The following DNAAF5 variants were observed in gnomAD, a reference collection of about 807,000 sequenced individuals.
DNAAF5 encodes the protein HEAT repeat containing 2.
DNAAF5 carries 64 observed loss-of-function variants against 75.8 expected under a neutral mutation model. The ratio of observed to expected loss-of-function variants is 0.84; its 90% CI spans 0.69 to 1.04. The LOEUF (loss-of-function observed/expected upper bound fraction) is 1.04. Ranked by LOEUF, DNAAF5 falls within the 50% of genes least tolerant of loss-of-function variation. The pLI is 0.00. For synonymous variants in DNAAF5, 657 were observed against 557.2 expected (o/e 1.18, Z -2.52); for missense variants, 1,269 against 1,178.5 (o/e 1.08, Z -1.12).
intron 8 of DNAAF5, among the ~76,000 whole-genome samples, chr7:766,388 A>T (rs904013806): frequency 3.3e-5 from 5 of 152,360 alleles, no homozygotes; most frequent in South Asian, 4.1e-4. Context: ...AGAAATTTTT[A>T]AATTTCTCAT....
intron 10 of DNAAF5, among the ~76,000 whole-genome samples, chr7:774,621 C>T (rs1036373987): frequency 2.0e-4 from 30 of 152,242 alleles, no homozygotes; most frequent in African/African-American, 7.0e-4. Context: ...CTGATGCCCG[C>T]CCGCGTCCTG....
intron 4 of DNAAF5, among the ~76,000 whole-genome samples, chr7:753,170 G>A (rs1468597521): frequency 2.6e-5 from 4 of 152,230 alleles, no homozygotes; most frequent in Admixed American, 6.5e-5. Context: ...CCCTTCCACA[G>A]CTGGTATTTG....
chr7:767,222 G>A (rs1778333877), intron 8 of DNAAF5, among the ~76,000 whole-genome samples: 1 of 142,886 alleles, frequency 7.0e-6, no homozygotes, highest in Non-Finnish European at 1.5e-5. Flanking sequence ...CTAGGCGACA[G>A]AGCGAGACTC....
chr7:727,817 T>C (rs1179024704), intron 1 of DNAAF5, among the ~76,000 whole-genome samples: 1 of 128,070 alleles, frequency 7.8e-6, no homozygotes, highest in Non-Finnish European at 1.7e-5. Flanking sequence ...CCTCCCTGCC[T>C]GAGCCCCCTC....
Position 763,851 on chromosome 7 carries a change from A to G in DNAAF5, c.1660A>G (p.Ser554Gly). 6.2e-7 allele frequency: 1 copy of G among 1,613,436 alleles called. No homozygotes were observed. Among genetic ancestry groups the G allele is most frequent in the Non-Finnish European group, 8.5e-7 (1 of 1,180,026 alleles). ...DSLAMVEGVS[S>G]CQDLYRKHIG... ...ACTGGCCATGGTGGAGGGTGTCAGC[A>G]GCTGCCAGGACCTCTACCGCAAGCA... Residue 554 changes from serine to glycine, a missense_variant, in exon 8 of 13, where the codon AGC becomes GGC. By Grantham distance (56) the Ser-to-Gly change is moderately conservative. Transcript: ENST00000297440.
intron 12 of DNAAF5, among the ~76,000 whole-genome samples, chr7:783,941 C>A (rs1325512518): frequency 6.6e-6 from 1 of 151,966 alleles, no homozygotes; most frequent in Non-Finnish European, 1.5e-5. Flanking sequence ...CACAGGGCAT[C>A]TCCCTTCCCC....
rs1345674669 is a variant in DNAAF5 at position 757,003 on chromosome 7, A to G, written c.1470+9A>G. On this transcript the variant is annotated intron_variant, in intron 6 of 12. Transcript: ENST00000297440. ...GCCAGGCATCTGAAAACGTAAGAGC[A>G]CTTGGGAGATGCGGGAGTGGAGAGG... The G allele has an allele frequency of 5.6e-6, 9 of 1,598,372 alleles. No homozygotes were observed. The highest frequency in any genetic ancestry group is 7.6e-6 in the Non-Finnish European group (9 of 1,178,348).
chr7:737,373 G>A (rs543942150), intron 2 of DNAAF5, among the ~76,000 whole-genome samples: 2 of 152,316 alleles, frequency 1.3e-5, no homozygotes, highest in East Asian at 3.9e-4. Context: ...TGGGATTACA[G>A]GTGTGAGCCA....
chr7:727,223 T>C lies in DNAAF5; in HGVS notation c.503T>C (p.Leu168Pro). The C allele has an allele frequency of 7.4e-7, 1 of 1,347,248 alleles. No homozygotes were observed. 83.5% of individuals were successfully genotyped at this position (1,347,248 alleles called of 1,614,324 possible). ...CTCGCGCCCCACCTGGACGACGCTC[T>C]GCGCGCGCTGCGCTGCTCCCTGCTC... ...AALAPHLDDA[L>P]RALRCSLLDP... Residue 168 changes from leucine to proline, a missense_variant, in exon 1 of 13, where the codon CTG becomes CCG. Coordinates refer to ENST00000297440, the MANE Select transcript of DNAAF5 (RefSeq NM_017802.4).
In DNAAF5 at chr7:774,137, G is replaced by A. The variant is rs1334255725; in HGVS notation, c.2021G>A (p.Arg674His). 3 of 1,612,150 alleles carry A rather than the reference G, an allele frequency of 1.9e-6. No homozygotes were observed. The highest frequency in any genetic ancestry group is 2.2e-5 in the East Asian group (1 of 44,878). Residue 674 changes from arginine (R) to histidine (H), a missense_variant, in exon 10 of 13, where the codon CGC becomes CAC. Transcript: ENST00000297440. ...WHAGRTAAAI[R>H]TAAVSCLWAL... ...GCGGGGAGGACAGCCGCGGCCATCC[G>A]CACGGCTGCCGTGTCCTGCCTCTGG... is the stretch of plus-strand genomic sequence containing the variant.
At chr7:778,972 CCTGTGTTTGGTGG>C (rs1317135783) in intron 11 of DNAAF5, among the ~76,000 whole-genome samples, 1 of 152,262 alleles carries the variant, frequency 6.6e-6, no homozygotes, top group Non-Finnish European at 1.5e-5. Context: ...CTCCTTGGTG[CCTGTGTTTGGTGG>C]CTGGAAGGCC....
At chr7:733,262 A>G (rs1781639134) in intron 2 of DNAAF5, among the ~76,000 whole-genome samples, 1 of 152,188 alleles carries the variant, frequency 6.6e-6, no homozygotes, top group Non-Finnish European at 1.5e-5. Context: ...TTTTTTGCTC[A>G]GGATGGCTTT....
rs978018446 is a variant in DNAAF5, at chr7:768,820, C to G, written c.1784-1651C>G. On this transcript the variant is annotated intron_variant, in intron 8 of 12. Coordinates refer to ENST00000297440, the MANE Select transcript of DNAAF5 (RefSeq NM_017802.4). ...TGACCTGTGGACATTTGGCTGTTTTCTTTTTGTTTTTAAGCCAGAAACACT... is the reference window on the plus strand; with the variant it reads ...TGACCTGTGGACATTTGGCTGTTTTGTTTTTGTTTTTAAGCCAGAAACACT... 2.4e-5 allele frequency: 7 copies of G among 288,296 alleles called. No homozygotes were observed. In the East Asian group the frequency reaches 3.7e-4, roughly 15 times the overall value. The allele number at this position is 288,296 out of a possible 1,614,324, so 17.9% of individuals were successfully genotyped here.
chr7:729,912 T>C, intron 2 of DNAAF5, 65 bp downstream of exon 2: 2 of 1,480,686 alleles, frequency 1.4e-6, no homozygotes, highest in East Asian at 2.3e-5. Flanking sequence ...ACGTGCTGTT[T>C]TTAACTAACT....
Position 777,008 on chromosome 7 carries a change from G to A in DNAAF5, c.2239+1846G>A, listed in dbSNP as rs766168546. Among the ~76,000 whole-genome samples, 11 of 152,266 alleles carry A rather than the reference G, an allele frequency of 7.2e-5. No homozygotes were observed. In the East Asian group the frequency reaches 7.7e-4, roughly 11 times the overall value. ...GTGCACGCGAGGGATCCAAGCTGACGCTCCTTATGAAACTAATGCCTGATG... is the reference window on the plus strand; with the variant it reads ...GTGCACGCGAGGGATCCAAGCTGACACTCCTTATGAAACTAATGCCTGATG... On this transcript the variant is annotated intron_variant, in intron 11 of 12. Transcript: ENST00000297440.
chr7:753,334 G>A (rs930164065), intron 4 of DNAAF5, among the ~76,000 whole-genome samples: 2 of 152,182 alleles, frequency 1.3e-5, no homozygotes, highest in Non-Finnish European at 2.9e-5. Flanking sequence ...CTCAGAAAAC[G>A]ATGCAGAGTG....
intron 4 of DNAAF5, among the ~76,000 whole-genome samples, chr7:746,673 C>A (rs1782123286): frequency 6.6e-6 from 1 of 150,990 alleles, no homozygotes; most frequent in South Asian, 2.1e-4. Context: ...GACGTCCTTA[C>A]CATCCTGCCA....
intron 2 of DNAAF5, among the ~76,000 whole-genome samples, chr7:733,480 C>G (rs1178442803): frequency 6.6e-6 from 1 of 152,006 alleles, no homozygotes; most frequent in African/African-American, 2.4e-5. Flanking sequence ...CTTCAGTTTT[C>G]TCATGTCAGT....
At chr7:769,214 CA>C in intron 8 of DNAAF5, 7 of 770,284 alleles carry the variant, frequency 9.1e-6, no homozygotes, top group Non-Finnish European at 1.4e-5. Flanking sequence ...AGGTGACTCA[CA>C]GTTGCTTGGA....
Sources: allele counts gnomAD v4.1 joint callset (sites outside exome capture counted in the v4.1 genomes callset), GRCh38; gene constraint gnomAD v4.1.1; transcripts MANE v1.5; gene names NCBI Gene and HGNC (gene_info 2026-07-23, HGNC 2026-07-21).